ZNF483: variants seen among roughly 807,000 people sequenced by gnomAD.
ZNF483 encodes zinc finger protein HIT-10.
In ZNF483, 9 loss-of-function variants were observed where a neutral mutation model predicts 28.6. That is an observed-to-expected ratio of 0.32 (90% CI 0.19 to 0.55). The LOEUF (loss-of-function observed/expected upper bound fraction) is 0.55, where lower values mean the gene tolerates loss of function less well. Among genes scored for constraint, ZNF483 ranks in the 20% least tolerant of loss-of-function variants. ZNF483 has a pLI of 0.93. For missense variants in ZNF483, 675 were observed against 871.7 expected (o/e 0.77, Z 2.84); for synonymous variants, 322 against 306.2 (o/e 1.05, Z -0.54).
At chr9:111,562,496 G>C (rs1435393020) in intron 5 of ZNF483, 1 of 151,610 alleles carries the variant, frequency 6.6e-6, no homozygotes, top group Non-Finnish European at 1.5e-5. Flanking sequence ...GGCTGGTCTT[G>C]CACTGCTGAC....
intron 3 of ZNF483, among the ~76,000 whole-genome samples, chr9:111,533,266 A>G (rs1310137365): frequency 6.6e-6 from 1 of 152,214 alleles, no homozygotes; most frequent in Admixed American, 6.5e-5. Flanking sequence ...GACTGAATGG[A>G]AGAGGCAGGG....
At chr9:111,568,296 A>T (rs1487933681) in intron 5 of ZNF483, among the ~76,000 whole-genome samples, 1 of 152,178 alleles carries the variant, frequency 6.6e-6, no homozygotes, top group Admixed American at 6.5e-5. Context: ...GGAGGTCTAT[A>T]AATGGCTGCT....
intron 5 of ZNF483, among the ~76,000 whole-genome samples, chr9:111,538,678 T>C (rs2132247624): frequency 6.6e-6 from 1 of 152,260 alleles, no homozygotes; most frequent in African/African-American, 2.4e-5. Flanking sequence ...CTGGTATAAA[T>C]ATATGTCCCT....
chr9:111,572,818 A>G (rs1828887314), intron 5 of ZNF483, among the ~76,000 whole-genome samples: 1 of 151,906 alleles, frequency 6.6e-6, no homozygotes, highest in African/African-American at 2.4e-5. Context: ...TCTGGGAAAC[A>G]GAGCAAGACC....
rs944018557 is a variant in ZNF483, at chr9:111,550,686, T to G, written c.*7516T>G. On this transcript the variant is annotated 3_prime_UTR_variant, in exon 6 of 6. Coordinates refer to ENST00000309235, the MANE Select transcript of ZNF483 (RefSeq NM_133464.5). ...TCCATGTCTTTGATTTTTCCTGCTT[T>G]CTTGAAGATTTCTTCAACTTTATCT... Among the ~76,000 whole-genome samples the G allele has an allele frequency of 6.6e-6, 1 of 152,244 alleles. No individual in the cohort carries two copies. The highest frequency in any genetic ancestry group is 2.4e-5 in the African/African-American group (1 of 41,468).
In ZNF483 at chr9:111,570,491, G is replaced by A. The variant is rs781425388; in HGVS notation, c.722-5874G>A. Reference sequence around the variant, plus strand: ...TGCAGATATGATTAAGAAGTTTGGGGGTGGCGCGGTGGCTCACACCTGTAA... The same window carrying A: ...TGCAGATATGATTAAGAAGTTTGGGAGTGGCGCGGTGGCTCACACCTGTAA... On this transcript the variant is annotated intron_variant, in intron 5 of 5. Transcript: ENST00000358151. 3.7e-4 allele frequency among the ~76,000 whole-genome samples: 57 copies of A among 152,142 alleles called. No homozygotes were observed. The Middle Eastern group carries it at 0.02, about 54-fold the overall frequency.
exon 6 of ZNF483, chr9:111,577,656 G>A (rs1362901350): frequency 6.6e-6 from 1 of 152,100 alleles, no homozygotes; most frequent in African/African-American, 2.4e-5. Flanking sequence ...ACCAGCCTGG[G>A]CAACATGGCG....
intron 3 of ZNF483, among the ~76,000 whole-genome samples, chr9:111,533,157 C>CCGAA (rs1230084559): frequency 6.6e-6 from 1 of 151,986 alleles, no homozygotes; most frequent in African/African-American, 2.4e-5. Context: ...TAAATCATAC[C>CCGAA]CTTCATTTAA....
chr9:111,530,065 G>A (rs1173936328), intron 2 of ZNF483, among the ~76,000 whole-genome samples: 1 of 152,178 alleles, frequency 6.6e-6, no homozygotes, highest in Non-Finnish European at 1.5e-5. Context: ...GGGGAAGGGT[G>A]CTGGTTGCCA....
intron 5 of ZNF483, among the ~76,000 whole-genome samples, chr9:111,536,713 C>T (rs191168987): frequency 9.1e-4 from 138 of 152,114 alleles, no homozygotes; most frequent in Middle Eastern, 3.4e-3. Context: ...GCACCCCCCC[C>T]GCCCCCGTAC....
At position 111,548,246 on chromosome 9, in the gene ZNF483, A is replaced by T. The variant is rs1210070700; in HGVS notation, c.*5076A>T. Among the ~76,000 whole-genome samples the T allele has an allele frequency of 6.6e-6, 1 of 152,206 alleles. No homozygotes were observed. The highest frequency in any genetic ancestry group is 1.5e-5 in the Non-Finnish European group (1 of 68,028). On this transcript the variant is annotated 3_prime_UTR_variant, in exon 6 of 6. Transcript: ENST00000309235. ...GTAGATCGCTTTGGGTAATGTGGAC[A>T]TACTAACAATAACAAACATTACAGT...
Position 111,562,078 on chromosome 9 carries a change from G to A in ZNF483, c.722-14287G>A, listed in dbSNP as rs147289089. 2.3e-3 allele frequency among the ~76,000 whole-genome samples: 343 copies of A among 152,178 alleles called. 2 individuals carry two copies. Among genetic ancestry groups the A allele is most frequent in the African/African-American group, 8.1e-3 (336 of 41,510 alleles). On this transcript the variant is annotated intron_variant, in intron 5 of 5. Transcript: ENST00000358151. Reference sequence around the variant, plus strand: ...TTTTTGTATTTTTAGTAGAGACAGGGTCTTGCCATGTTGGCCAGGCTGGTC... The same window carrying A: ...TTTTTGTATTTTTAGTAGAGACAGGATCTTGCCATGTTGGCCAGGCTGGTC...
chr9:111,534,755 A>T (rs1247984964), intron 5 of ZNF483, among the ~76,000 whole-genome samples: 1 of 117,330 alleles, frequency 8.5e-6, no homozygotes, highest in African/African-American at 3.5e-5. Context: ...TCGGAGTCTC[A>T]CACCGTCTCC....
Position 111,527,785 on chromosome 9 carries a change from G to C in ZNF483, c.390G>C (p.Leu130Phe). The change falls in exon 2 of 6, where the codon TTG (leucine) becomes TTC (phenylalanine). Residue 130 changes from leucine (L) to phenylalanine (F), a missense_variant. Coordinates refer to ENST00000309235, the MANE Select transcript of ZNF483 (RefSeq NM_133464.5). ...AAGTGGTGACCCTAATAGAAGATTT[G>C]ACCCAGATGCTTGAAGAAAAAGGTG... ...SEEVVTLIED[L>F]TQMLEEKDPV... is the part of the protein sequence containing the mutation. The C allele has an allele frequency of 6.2e-7, 1 of 1,614,138 alleles. No homozygotes were observed. The highest frequency in any genetic ancestry group is 8.5e-7 in the Non-Finnish European group (1 of 1,180,042).
chr9:111,573,396 C>A (rs954608469), intron 5 of ZNF483, among the ~76,000 whole-genome samples: 5 of 152,096 alleles, frequency 3.3e-5, no homozygotes, highest in African/African-American at 1.2e-4. Flanking sequence ...CTTTGTCAGC[C>A]CCTTCCTTTC....
rs561369179 is a variant in ZNF483, at chr9:111,550,546, C to T, written c.*7376C>T. 6.6e-6 allele frequency among the ~76,000 whole-genome samples: 1 copy of T among 152,236 alleles called. No homozygotes were observed. The highest frequency in any genetic ancestry group is 6.5e-5 in the Admixed American group (1 of 15,282). On this transcript the variant is annotated 3_prime_UTR_variant, in exon 6 of 6. Transcript: ENST00000309235. Reference sequence around the variant, plus strand: ...CTGCAATTTACCACTCAGAATTTCCCCTAGAAGCTACAAGTGTTCAGATGG... The same window carrying T: ...CTGCAATTTACCACTCAGAATTTCCTCTAGAAGCTACAAGTGTTCAGATGG...
intron 2 of ZNF483, among the ~76,000 whole-genome samples, chr9:111,530,063 G>T (rs1298877924): frequency 6.6e-6 from 1 of 152,188 alleles, no homozygotes; most frequent in African/African-American, 2.4e-5. Flanking sequence ...TTGGGGAAGG[G>T]TGCTGGTTGC....
At chr9:111,540,827 C>T (rs144514930) in intron 5 of ZNF483, among the ~76,000 whole-genome samples, 225 of 152,290 alleles carry the variant, frequency 1.5e-3, no homozygotes, top group Non-Finnish European at 1.4e-3. Context: ...AGTTAAAAAT[C>T]TGGCTCTATC....
Position 111,551,631 on chromosome 9 carries a change from A to T in ZNF483, c.*8461A>T, listed in dbSNP as rs1444182590. 1.3e-5 allele frequency among the ~76,000 whole-genome samples: 2 copies of T among 152,004 alleles called. No individual in the cohort carries two copies. Among genetic ancestry groups the T allele is most frequent in the Non-Finnish European group, 2.9e-5 (2 of 67,988 alleles). On this transcript the variant is annotated 3_prime_UTR_variant, in exon 6 of 6. Coordinates refer to ENST00000309235, the MANE Select transcript of ZNF483 (RefSeq NM_133464.5). The stretch of plus-strand genomic sequence containing the variant: ...TGCCCAGGCTGTTCTCCAACTCCTA[A>T]GCCCAGGCAATCTGCCTGTCTCGGC...
Sources: allele counts gnomAD v4.1 joint callset (sites outside exome capture counted in the v4.1 genomes callset), GRCh38; gene constraint gnomAD v4.1.1; transcripts MANE v1.5; gene names NCBI Gene and HGNC (gene_info 2026-07-23, HGNC 2026-07-21).